The following SYNDIG1 variants were observed in gnomAD, a reference collection of about 807,000 sequenced individuals.
SYNDIG1 encodes synapse differentiation-inducing gene protein 1.
Under a neutral mutation model 19.4 loss-of-function variants are expected in SYNDIG1, and 9 were observed. The ratio of observed to expected loss-of-function variants is 0.46; its 90% CI spans 0.28 to 0.81. The LOEUF is 0.81. SYNDIG1 is among the 30% of genes least tolerant of loss of function. The probability of loss-of-function intolerance (pLI) is 0.12; values close to 1 mark genes in which losing one functional copy is unlikely to be tolerated. For missense variants in SYNDIG1, 311 were observed against 343.3 expected (o/e 0.91, Z 0.74); for synonymous variants, 141 against 145.9 (o/e 0.97, Z 0.24).
At chr20:24,618,151 G>A (rs1319691076) in intron 3 of SYNDIG1, among the ~76,000 whole-genome samples, 1 of 144,238 alleles carries the variant, frequency 6.9e-6, no homozygotes, top group Non-Finnish European at 1.5e-5. Context: ...CCCAGGAGTA[G>A]GGAGAGCCCA....
chr20:24,577,251 C>G (rs551530040), intron 2 of SYNDIG1, among the ~76,000 whole-genome samples: 38 of 152,280 alleles, frequency 2.5e-4, no homozygotes, highest in Admixed American at 3.9e-4. Context: ...GACCTGACTT[C>G]AAGTAAAGGA....
intron 2 of SYNDIG1, among the ~76,000 whole-genome samples, chr20:24,578,009 A>G (rs1251790466): frequency 6.6e-6 from 1 of 152,214 alleles, no homozygotes; most frequent in African/African-American, 2.4e-5. Context: ...AGTGTTGTTC[A>G]TATTGGCTTA....
intron 2 of SYNDIG1, among the ~76,000 whole-genome samples, chr20:24,552,978 C>G (rs2057736413): frequency 6.6e-6 from 1 of 151,968 alleles, no homozygotes; most frequent in Non-Finnish European, 1.5e-5. Context: ...CCTATTGTTT[C>G]CTGACTTTTT....
At chr20:24,620,004 G>T (rs2059014429) in intron 3 of SYNDIG1, among the ~76,000 whole-genome samples, 1 of 152,158 alleles carries the variant, frequency 6.6e-6, no homozygotes, top group Non-Finnish European at 1.5e-5. Flanking sequence ...CAAAATCCTG[G>T]CCACCCTGGA....
At chr20:24,512,108 A>AATATATATATATATATATATATAT (rs56002733) in intron 1 of SYNDIG1, among the ~76,000 whole-genome samples, 1 of 76,586 alleles carries the variant, frequency 1.3e-5, no homozygotes, top group African/African-American at 6.5e-5. Context: ...TGGTCTTTAA[A>AATATATATATATATATATATATAT]ATATATATAT....
chr20:24,597,163 G>A (rs1191988699), intron 3 of SYNDIG1: 1 of 152,218 alleles, frequency 6.6e-6, no homozygotes, highest in Non-Finnish European at 1.5e-5. Flanking sequence ...AACACATTTG[G>A]AAGAATTGTC....
chr20:24,581,510 T>C (rs2058322481), intron 2 of SYNDIG1, among the ~76,000 whole-genome samples: 1 of 151,906 alleles, frequency 6.6e-6, no homozygotes, highest in Admixed American at 6.6e-5. Context: ...TTGTCAGAGA[T>C]TGGACCTCCC....
At chr20:24,507,337 A>AT (rs1163572016) in intron 1 of SYNDIG1, among the ~76,000 whole-genome samples, 1 of 152,240 alleles carries the variant, frequency 6.6e-6, no homozygotes, top group African/African-American at 2.4e-5. Flanking sequence ...GGCACCAGGA[A>AT]TGCCTGAACC....
intron 2 of SYNDIG1, among the ~76,000 whole-genome samples, chr20:24,576,425 T>A (rs1473003257): frequency 6.6e-6 from 1 of 152,204 alleles, no homozygotes; most frequent in African/African-American, 2.4e-5. Flanking sequence ...GGCTGATGAT[T>A]GTTGAGCGTT....
chr20:24,511,733 A>T (rs2056747095), intron 1 of SYNDIG1, among the ~76,000 whole-genome samples: 1 of 152,090 alleles, frequency 6.6e-6, no homozygotes, highest in Admixed American at 6.6e-5. Flanking sequence ...GCTGTGGCTT[A>T]AAAAAATTGC....
At chr20:24,552,579 A>G (rs1000662375) in intron 2 of SYNDIG1, among the ~76,000 whole-genome samples, 16 of 151,770 alleles carry the variant, frequency 1.1e-4, no homozygotes, top group African/African-American at 2.7e-4. Context: ...TTGTCCTTGC[A>G]ATAGTTTACT....
chr20:24,475,102 T>G (rs1487389054), intron 1 of SYNDIG1, among the ~76,000 whole-genome samples: 1 of 152,214 alleles, frequency 6.6e-6, no homozygotes, highest in South Asian at 2.1e-4. Flanking sequence ...TAGGCAGTTT[T>G]TAACTTCCTC....
chr20:24,642,800 C>T (rs1361809058), intron 3 of SYNDIG1, among the ~76,000 whole-genome samples: 1 of 152,044 alleles, frequency 6.6e-6, no homozygotes, highest in Non-Finnish European at 1.5e-5. Flanking sequence ...AGCTATTTTC[C>T]TATGGAGCCC....
chr20:24,655,403 AG>A (rs1172674977), intron 3 of SYNDIG1, among the ~76,000 whole-genome samples: 2 of 152,234 alleles, frequency 1.3e-5, no homozygotes, highest in African/African-American at 4.8e-5. Flanking sequence ...GGGTAGGGAC[AG>A]AGGTTTCCAA....
intron 1 of SYNDIG1, among the ~76,000 whole-genome samples, chr20:24,501,346 G>A (rs1052945639): frequency 5.9e-5 from 9 of 152,198 alleles, no homozygotes; most frequent in African/African-American, 1.4e-4. Context: ...CAGTAGCCCC[G>A]GATGACAGCG....
At chr20:24,579,873 T>G (rs1472655462) in intron 2 of SYNDIG1, among the ~76,000 whole-genome samples, 1 of 152,234 alleles carries the variant, frequency 6.6e-6, no homozygotes, top group East Asian at 1.9e-4. Flanking sequence ...CCATGAATGC[T>G]GAACATTGTG....
intron 3 of SYNDIG1, among the ~76,000 whole-genome samples, chr20:24,623,211 A>C (rs980250719): frequency 6.6e-6 from 1 of 151,976 alleles, no homozygotes; most frequent in Non-Finnish European, 1.5e-5. Flanking sequence ...GAGACTGTGC[A>C]ACTAAGAATG....
intron 2 of SYNDIG1, among the ~76,000 whole-genome samples, chr20:24,557,811 C>G (rs1485643939): frequency 6.6e-6 from 1 of 152,186 alleles, no homozygotes; most frequent in Non-Finnish European, 1.5e-5. Context: ...CAGCCGCATG[C>G]TGGGAGAACC....
intron 3 of SYNDIG1, among the ~76,000 whole-genome samples, chr20:24,619,974 T>C (rs2059014178): frequency 6.6e-6 from 1 of 152,202 alleles, no homozygotes; most frequent in Non-Finnish European, 1.5e-5. Context: ...AGTTTAAATA[T>C]GGACTCAGCT....
Sources: allele counts gnomAD v4.1 joint callset (sites outside exome capture counted in the v4.1 genomes callset), GRCh38; gene constraint gnomAD v4.1.1; transcripts MANE v1.5; gene names NCBI Gene and HGNC (gene_info 2026-07-23, HGNC 2026-07-21).